STXBP4: variants seen among roughly 807,000 people sequenced by gnomAD.
STXBP4 encodes the protein syntaxin-binding protein 4.
A neutral mutation model predicts 76.1 loss-of-function variants in STXBP4; 55 were observed. The ratio of observed to expected loss-of-function variants is 0.72; its 90% CI spans 0.58 to 0.91. The LOEUF (loss-of-function observed/expected upper bound fraction) is 0.91. STXBP4 is among the 40% of genes least tolerant of loss of function. The probability of loss-of-function intolerance (pLI) is 0.00; values close to 1 mark genes in which losing one functional copy is unlikely to be tolerated. For synonymous variants in STXBP4, 201 were observed against 220.2 expected (o/e 0.91, Z 0.77); for missense variants, 618 against 636.9 (o/e 0.97, Z 0.32).
Position 55,020,837 on chromosome 17 carries a change from T to A in STXBP4, c.667-10331T>A, listed in dbSNP as rs1200828854. 3.9e-5 allele frequency among the ~76,000 whole-genome samples: 6 copies of A among 152,240 alleles called. No individual in the cohort carries two copies. The South Asian group carries it at 6.2e-4, about 16-fold the overall frequency. ...CATCTCAGAAAATAAAAATTAAATT[T>A]AAAAATAAAATTATACTTTCATGAA... On this transcript the variant is annotated intron_variant, in intron 8 of 17. Transcript: ENST00000376352.
rs1424277409 is a variant in STXBP4, at chr17:55,171,688, G to A, written c.*11777G>A. 6.6e-6 allele frequency: 1 copy of A among 152,198 alleles called. No individual in the cohort carries two copies. The highest frequency in any genetic ancestry group is 6.5e-5 in the Admixed American group (1 of 15,282). 9.4% of individuals were successfully genotyped at this position (152,198 alleles called of 1,614,324 possible). On this transcript the variant is annotated 3_prime_UTR_variant, in exon 18 of 18. Transcript: ENST00000376352. ...AACTGTGTCCCCCCAAAATTTGTAT[G>A]TTGAAGTCCTAAAATTGGCACTGTT...
intron 7 of STXBP4, among the ~76,000 whole-genome samples, chr17:55,004,813 CAAG>C (rs1446606707): frequency 1.3e-5 from 2 of 151,564 alleles, no homozygotes; most frequent in Admixed American, 6.6e-5. Context: ...AGGAGAAGGA[CAAG>C]AAGGAGAGAG....
the STXBP4 span, among the ~76,000 whole-genome samples, chr17:55,185,016 G>A: frequency 1.4e-4 from 22 of 152,126 alleles, no homozygotes; most frequent in African/African-American, 4.8e-4. Flanking sequence ...GGATACAGGC[G>A]CATGCCACCA....
chr17:55,007,892 T>C (rs1218239151), intron 8 of STXBP4, among the ~76,000 whole-genome samples: 1 of 152,158 alleles, frequency 6.6e-6, no homozygotes, highest in Non-Finnish European at 1.5e-5. Context: ...CTAGAATAAA[T>C]GGAAAGATGT....
At chr17:55,193,093 A>G in the STXBP4 span, among the ~76,000 whole-genome samples, 2 of 152,176 alleles carry the variant, frequency 1.3e-5, no homozygotes, top group African/African-American at 4.8e-5. Flanking sequence ...AAAGCTACAT[A>G]AAGGACTGGT....
rs1174298844 is a variant in STXBP4, at chr17:55,166,611, T to G, written c.*6700T>G. The G allele has an allele frequency of 6.6e-6, 1 of 152,210 alleles. No homozygotes were observed. Among genetic ancestry groups the G allele is most frequent in the Admixed American group, 6.5e-5 (1 of 15,284 alleles). 9.4% of individuals were successfully genotyped at this position (152,210 alleles called of 1,614,324 possible). A position where few individuals can be genotyped will look rare whatever the true frequency, so the allele number is the denominator to read the frequency against. On this transcript the variant is annotated 3_prime_UTR_variant, in exon 18 of 18. Coordinates refer to ENST00000376352, the MANE Select transcript of STXBP4 (RefSeq NM_178509.6). ...ATCAAGATTCTGCTCTCATTTTACC[T>G]CTTCTTTGAAGAGCTCCTTGACACA...
At chr17:55,200,248 C>A in the STXBP4 span, among the ~76,000 whole-genome samples, 1 of 152,168 alleles carries the variant, frequency 6.6e-6, no homozygotes, top group Non-Finnish European at 1.5e-5. Flanking sequence ...TATCAGATAT[C>A]TCTAAGAGTG....
At chr17:55,102,199 C>T (rs941462174) in intron 16 of STXBP4, among the ~76,000 whole-genome samples, 2 of 151,748 alleles carry the variant, frequency 1.3e-5, no homozygotes, top group Non-Finnish European at 2.9e-5. Context: ...CATGGGTATA[C>T]ACATGCCATG....
At chr17:55,120,771 A>G (rs1385049761) in intron 16 of STXBP4, among the ~76,000 whole-genome samples, 2 of 152,166 alleles carry the variant, frequency 1.3e-5, no homozygotes, top group East Asian at 1.9e-4. Context: ...TGTTCACTCA[A>G]CTGGATGCTC....
chr17:55,035,479 A>G (rs904374018), intron 10 of STXBP4, among the ~76,000 whole-genome samples: 5 of 151,872 alleles, frequency 3.3e-5, no homozygotes, highest in Admixed American at 2.6e-4. Flanking sequence ...TTATCCTGAT[A>G]ACACATAATT....
chr17:54,978,163 A>T (rs1341276265), intron 1 of STXBP4, among the ~76,000 whole-genome samples: 1 of 152,210 alleles, frequency 6.6e-6, no homozygotes, highest in African/African-American at 2.4e-5. Context: ...TAAGCCTGCC[A>T]TAAAATTTTT....
intron 12 of STXBP4, among the ~76,000 whole-genome samples, chr17:55,066,478 C>T (rs1475173722): frequency 6.6e-6 from 1 of 152,064 alleles, no homozygotes; most frequent in African/African-American, 2.4e-5. Context: ...CCTGCCTTGG[C>T]CTTTCAAAGT....
intron 1 of STXBP4, among the ~76,000 whole-genome samples, chr17:54,982,853 C>T (rs9892173): frequency 0.28 from 42,662 of 151,908 alleles, 6,246 homozygotes; most frequent in African/African-American, 0.35. Flanking sequence ...AACACATTAC[C>T]ACTCCTTACT....
At chr17:55,173,834 G>T (rs184553883), downstream of STXBP4, among the ~76,000 whole-genome samples, 7 of 152,298 alleles carry the variant, frequency 4.6e-5, no homozygotes, top group Admixed American at 2.0e-4. Context: ...CAAATTATCA[G>T]CAGGGTTGTA....
At chr17:55,004,829 C>G (rs2077979225) in intron 7 of STXBP4, among the ~76,000 whole-genome samples, 1 of 151,564 alleles carries the variant, frequency 6.6e-6, no homozygotes, top group Non-Finnish European at 1.5e-5. Flanking sequence ...GGAGAGAGAG[C>G]CAAGAGAATA....
At chr17:55,126,430 C>A (rs1029272242) in intron 16 of STXBP4, among the ~76,000 whole-genome samples, 6 of 152,022 alleles carry the variant, frequency 3.9e-5, no homozygotes, top group Admixed American at 3.3e-4. Context: ...AAGTATAATA[C>A]CTTTTAAAAA....
At chr17:55,061,249 A>G (rs1300601302) in intron 12 of STXBP4, among the ~76,000 whole-genome samples, 1 of 152,200 alleles carries the variant, frequency 6.6e-6, no homozygotes, top group East Asian at 1.9e-4. Flanking sequence ...TTTAAAAGGA[A>G]CAACAATAAT....
At chr17:55,090,525 G>T (rs969147186) in intron 16 of STXBP4, among the ~76,000 whole-genome samples, 1 of 151,974 alleles carries the variant, frequency 6.6e-6, no homozygotes, top group Non-Finnish European at 1.5e-5. Context: ...CAATCAAAGG[G>T]TCTACACATT....
chr17:55,099,578 A>G (rs1368177737), intron 16 of STXBP4, among the ~76,000 whole-genome samples: 4 of 152,216 alleles, frequency 2.6e-5, no homozygotes, highest in African/African-American at 9.6e-5. Context: ...TTATTATCCT[A>G]TGGGATCACT....
Sources: gnomAD v4.1 joint callset for allele counts (sites outside exome capture counted in the v4.1 genomes callset) on GRCh38, gnomAD v4.1.1 for gene constraint, MANE v1.5 for transcripts, NCBI Gene and HGNC (gene_info 2026-07-23, HGNC 2026-07-21) for gene names.